The following DUSP22 variants were observed in gnomAD, a reference collection of about 807,000 sequenced individuals.
DUSP22 encodes the protein dual specificity phosphatase 22, also known as dual specificity protein phosphatase 22.
In DUSP22, 24 loss-of-function variants were observed where a neutral mutation model predicts 24.5. That is an observed-to-expected ratio of 0.98 (90% CI 0.71 to 1.38). The LOEUF (loss-of-function observed/expected upper bound fraction) is 1.38, where lower values mean the gene tolerates loss of function less well. Among genes scored for constraint, DUSP22 ranks in the 40% most tolerant of loss-of-function variants. DUSP22 has a pLI of 0.00. For missense variants in DUSP22, 330 were observed against 269.2 expected, an observed-to-expected ratio of 1.23 and a Z score of -1.58; for synonymous variants, 160 against 106.4, an observed-to-expected ratio of 1.50 and a Z score of -3.10.
rs1180254002 is a variant in DUSP22, at chr6:292,669, G to A, written c.21+109G>A. ...AGCCCGGGGTGCCCTTTCCCGCGGT[G>A]GGGACGGGCGCGGAGGGAGGGGCGG... On this transcript the variant is annotated intron_variant, in intron 1 of 6. Transcript: ENST00000419235. 7 of 1,435,334 alleles carry A rather than the reference G, an allele frequency of 4.9e-6. No homozygotes were observed. The East Asian group carries it at 1.1e-4, about 23-fold the overall frequency. The allele number at this position is 1,435,334 out of a possible 1,614,324, so 88.9% of individuals were successfully genotyped here. A position where few individuals can be genotyped will look rare whatever the true frequency, so the allele number is the denominator to read the frequency against.
chr6:348,928 GATA>G lies in DUSP22; in HGVS notation c.598_600del (p.Asn200del). ...TCCGGCACTGGCTCCGCTGACCTAC[GATA>G]ATTATACGACGGAGACCTAACGCAA... On this transcript the variant is annotated inframe_deletion, in exon 7 of 7. Transcript: ENST00000419235. 2 of 1,609,422 alleles carry G rather than the reference GATA, an allele frequency of 1.2e-6. No individual in the cohort carries two copies. The highest frequency in any genetic ancestry group is 1.7e-6 in the Non-Finnish European group (2 of 1,177,518).
intron 3 of DUSP22, among the ~76,000 whole-genome samples, chr6:324,134 A>G (rs1167024055): frequency 2.0e-5 from 3 of 152,310 alleles, no homozygotes; most frequent in Admixed American, 6.5e-5. Context: ...CTCCTACTTC[A>G]GCAGTGGGCT....
At chr6:317,698 G>T (rs1335332491) in intron 3 of DUSP22, among the ~76,000 whole-genome samples, 1 of 152,306 alleles carries the variant, frequency 6.6e-6, no homozygotes, top group African/African-American at 2.4e-5. Context: ...TCGGGCTCCT[G>T]AGCTGGCCTG....
In DUSP22 at chr6:345,829, C is replaced by T. The variant is rs918649739; in HGVS notation, c.189-25C>T. ...TATATTGAGTAAAGTAGAGAGATGTCATTTCTCTTTTTTTCTTTTCCCAGG... is the reference window on the plus strand; with the variant it reads ...TATATTGAGTAAAGTAGAGAGATGTTATTTCTCTTTTTTTCTTTTCCCAGG... On this transcript the variant is annotated intron_variant, in intron 4 of 6. Transcript: ENST00000419235. 6 of 1,613,054 alleles carry T rather than the reference C, an allele frequency of 3.7e-6. No individual in the cohort carries two copies. In the African/African-American group the frequency reaches 8.0e-5, roughly 22 times the overall value.
At chr6:314,725 T>C (rs1402619324) in intron 3 of DUSP22, among the ~76,000 whole-genome samples, 1 of 152,310 alleles carries the variant, frequency 6.6e-6, no homozygotes, top group South Asian at 2.1e-4. Context: ...AGACATTGTA[T>C]GTGCTTGCTT....
chr6:350,403 A>G lies in DUSP22; in HGVS notation c.*1452A>G. 1 of 1,097,284 alleles carries G rather than the reference A, an allele frequency of 9.1e-7. No individual in the cohort carries two copies. Among genetic ancestry groups the G allele is most frequent in the Non-Finnish European group, 1.1e-6 (1 of 898,180 alleles). The allele number at this position is 1,097,284 out of a possible 1,614,324, so 68.0% of individuals were successfully genotyped here. A position where few individuals can be genotyped will look rare whatever the true frequency, so the allele number is the denominator to read the frequency against. On this transcript the variant is annotated 3_prime_UTR_variant, in exon 7 of 7. Coordinates refer to ENST00000419235, the MANE Select transcript of DUSP22 (RefSeq NM_001286555.3). ...CATGCAGAGTCACTCGAATGAAAAAACATACTCGACCTCTCCCTAAAAAGA... is the reference window on the plus strand; with the variant it reads ...CATGCAGAGTCACTCGAATGAAAAAGCATACTCGACCTCTCCCTAAAAAGA...
Position 335,096 on chromosome 6 carries a change from C to CT in DUSP22, c.139-13dup. On this transcript the variant is annotated splice_polypyrimidine_tract_variant and intron_variant, in intron 3 of 6. Coordinates refer to ENST00000419235, the MANE Select transcript of DUSP22 (RefSeq NM_001286555.3). Reference sequence around the variant, plus strand: ...TCATGTTTTTATTTTTATGTATTTACTTTTTATTATTCTGCAGGGAGTTAA... The same window carrying CT: ...TCATGTTTTTATTTTTATGTATTTACTTTTTTATTATTCTGCAGGGAGTTAA... The CT allele has an allele frequency of 3.1e-6, 5 of 1,611,358 alleles. No individual in the cohort carries two copies. Among genetic ancestry groups the CT allele is most frequent in the African/African-American group, 1.3e-5 (1 of 75,008 alleles).
rs917616897 is a variant in DUSP22 at position 318,541 on chromosome 6, G to C, written c.138+6579G>C. Among the ~76,000 whole-genome samples the C allele has an allele frequency of 8.5e-5, 13 of 152,262 alleles. No homozygotes were observed. The South Asian group carries it at 2.7e-3, about 32-fold the overall frequency. On this transcript the variant is annotated intron_variant, in intron 3 of 6. Coordinates refer to ENST00000419235, the MANE Select transcript of DUSP22 (RefSeq NM_001286555.3). ...CAGGCCTCAGCTCTCAGGACCCCAG[G>C]GGGTGACCACAGCAGGCCTCAGCTC...
intron 5 of DUSP22, 141 bp from the exon 6 acceptor site, chr6:347,962 G>A (rs948201919): frequency 2.3e-5 from 29 of 1,248,076 alleles, no homozygotes; most frequent in Non-Finnish European, 3.4e-6. Context: ...CTTCCTGGTG[G>A]CGAGCTTGCT....
chr6:316,994 G>A lies in DUSP22; in HGVS notation c.138+5032G>A, dbSNP rs576989417. Among the ~76,000 whole-genome samples the A allele has an allele frequency of 3.9e-5, 6 of 152,422 alleles. No homozygotes were observed. The South Asian group carries it at 8.3e-4, about 21-fold the overall frequency. Reference sequence around the variant, plus strand: ...TGAACCATTTATGGTGTTTTTAAAAGAATGGGATGTTTTCATATGCAGACA... The same window carrying A: ...TGAACCATTTATGGTGTTTTTAAAAAAATGGGATGTTTTCATATGCAGACA... On this transcript the variant is annotated intron_variant, in intron 3 of 6. Coordinates refer to ENST00000419235, the MANE Select transcript of DUSP22 (RefSeq NM_001286555.3).
chr6:345,725 T>C, intron 4 of DUSP22, 129 bp from the exon 5 acceptor site: 1 of 1,139,930 alleles, frequency 8.8e-7, no homozygotes, highest in East Asian at 2.6e-5. Flanking sequence ...CATAAATATG[T>C]AGAATTATGT....
At position 349,277 on chromosome 6, in the gene DUSP22, A is replaced by G. The variant is rs1430378666; in HGVS notation, c.*326A>G. ...TGTGTGTGCCTGTGTGAGTGAGGGT[A>G]TGTGCACCTAAGTGTGTACATGTGT... is the stretch of plus-strand genomic sequence containing the variant. On this transcript the variant is annotated 3_prime_UTR_variant, in exon 7 of 7. Transcript: ENST00000419235. 6.2e-6 allele frequency: 8 copies of G among 1,298,406 alleles called. No individual in the cohort carries two copies. Among genetic ancestry groups the G allele is most frequent in the Non-Finnish European group, 7.9e-6 (8 of 1,016,216 alleles). 80.4% of individuals were successfully genotyped at this position (1,298,406 alleles called of 1,614,324 possible).
At position 350,554 on chromosome 6, in the gene DUSP22, C is replaced by T. The variant is rs1398933716; in HGVS notation, c.*1603C>T. 17 of 1,361,384 alleles carry T rather than the reference C, an allele frequency of 1.2e-5. No homozygotes were observed. The highest frequency in any genetic ancestry group is 2.9e-5 in the African/African-American group (2 of 68,368). 84.3% of individuals were successfully genotyped at this position (1,361,384 alleles called of 1,614,324 possible). ...TTGGGGACCGGGAAAAACAAAGTTGCCTGATTCCGCGCAGGTGCACAGGCC... is the reference window on the plus strand; with the variant it reads ...TTGGGGACCGGGAAAAACAAAGTTGTCTGATTCCGCGCAGGTGCACAGGCC... On this transcript the variant is annotated 3_prime_UTR_variant, in exon 7 of 7. Transcript: ENST00000419235.
intron 3 of DUSP22, among the ~76,000 whole-genome samples, chr6:327,759 A>C (rs1369950901): frequency 6.6e-6 from 1 of 152,300 alleles, no homozygotes; most frequent in Non-Finnish European, 1.5e-5. Context: ...TACTGAGAAG[A>C]GCCACGCAGA....
Position 349,273 on chromosome 6 carries a change from G to T in DUSP22, c.*322G>T. The T allele has an allele frequency of 1.5e-6, 2 of 1,309,972 alleles. No homozygotes were observed. The highest frequency in any genetic ancestry group is 9.8e-7 in the Non-Finnish European group (1 of 1,023,516). 81.1% of individuals were successfully genotyped at this position (1,309,972 alleles called of 1,614,324 possible). ...TGCATGTGTGTGCCTGTGTGAGTGA[G>T]GGTATGTGCACCTAAGTGTGTACAT... On this transcript the variant is annotated 3_prime_UTR_variant, in exon 7 of 7. Transcript: ENST00000419235.
chr6:300,709 C>A (rs1353719097), intron 1 of DUSP22, among the ~76,000 whole-genome samples: 1 of 152,300 alleles, frequency 6.6e-6, no homozygotes, highest in East Asian at 1.9e-4. Flanking sequence ...AGGAACAGAC[C>A]TGCTGTGCCT....
At chr6:325,944 C>T (rs1758847154) in intron 3 of DUSP22, 1 of 199,450 alleles carries the variant, frequency 5.0e-6, no homozygotes, top group Non-Finnish European at 9.5e-6. Context: ...CCTGGAGAGT[C>T]ATCTGCGCTG....
chr6:317,329 C>G (rs1233401965), intron 3 of DUSP22, among the ~76,000 whole-genome samples: 2 of 152,306 alleles, frequency 1.3e-5, no homozygotes, highest in Admixed American at 6.5e-5. Context: ...CTTGCTGATC[C>G]ACCCCATTTC....
intron 4 of DUSP22, among the ~76,000 whole-genome samples, 190 bp downstream of exon 4, chr6:335,353 C>T (rs1022363629): frequency 6.6e-6 from 1 of 152,304 alleles, no homozygotes; most frequent in Non-Finnish European, 1.5e-5. Context: ...CAGGAGGCTC[C>T]TTGTGGTTGA....
Sources: gnomAD v4.1 joint callset for allele counts (sites outside exome capture counted in the v4.1 genomes callset) on GRCh38, gnomAD v4.1.1 for gene constraint, MANE v1.5 for transcripts, NCBI Gene and HGNC (gene_info 2026-07-23, HGNC 2026-07-21) for gene names.